Variants in GRID2 observed in about 807,000 individuals in gnomAD.
GRID2 encodes the protein glutamate ionotropic receptor delta type subunit 2.
In GRID2, 33 loss-of-function variants were observed where a neutral mutation model predicts 114.8. The observed-to-expected ratio is 0.29, with a 90% CI of 0.22 to 0.38. The LOEUF is 0.38. Ranked by LOEUF, GRID2 falls within the 10% of genes least tolerant of loss-of-function variation. GRID2 has a pLI of 1.00. For missense variants in GRID2, 1,184 were observed against 1,257.7 expected (o/e 0.94, Z 0.89); for synonymous variants, 505 against 449.9 (o/e 1.12, Z -1.55).
chr4:93,420,193 A>G (rs975607528), intron 9 of GRID2, among the ~76,000 whole-genome samples: 3 of 152,322 alleles, frequency 2.0e-5, no homozygotes, highest in African/African-American at 7.2e-5. Flanking sequence ...AATGAGTTGC[A>G]TGTAAGGAAA....
intron 1 of GRID2, among the ~76,000 whole-genome samples, chr4:92,565,916 T>C (rs1727313523): frequency 6.6e-6 from 1 of 152,046 alleles, no homozygotes; most frequent in African/African-American, 2.4e-5. Context: ...CAGTTTTGTA[T>C]GTTAGAAGTC....
intron 10 of GRID2, among the ~76,000 whole-genome samples, chr4:93,443,643 G>T (rs973042688): frequency 6.6e-6 from 1 of 151,950 alleles, no homozygotes; most frequent in African/African-American, 2.4e-5. Context: ...GAGCAGGGTT[G>T]CAGCACAGCT....
chr4:93,269,023 A>G (rs1268047533), intron 8 of GRID2, among the ~76,000 whole-genome samples: 2 of 152,284 alleles, frequency 1.3e-5, no homozygotes, highest in East Asian at 3.9e-4. Context: ...TCCTGAAACC[A>G]TATGTCTTAC....
chr4:92,634,753 TTTTTTTTTTC>T (rs1449287247), intron 2 of GRID2, among the ~76,000 whole-genome samples: 4 of 150,938 alleles, frequency 2.7e-5, no homozygotes, highest in African/African-American at 9.7e-5. Context: ...TTTTCTTTTT[TTTTTTTTTTC>T]AGACATTGCA....
intron 8 of GRID2, among the ~76,000 whole-genome samples, chr4:93,348,558 A>G (rs1429514754): frequency 2.0e-5 from 3 of 152,168 alleles, no homozygotes; most frequent in African/African-American, 7.2e-5. Context: ...GCTTTAGAAA[A>G]TGGATAAATG....
rs1056705848 is a variant in GRID2 at position 92,550,908 on chromosome 4, A to C, written c.89-39223A>C. On this transcript the variant is annotated intron_variant, in intron 1 of 15. Coordinates refer to ENST00000282020, the MANE Select transcript of GRID2 (RefSeq NM_001510.4). ...GTTAAGCAGTTACATTGCAAAGACTAGTCTCAAATTTTAGAACTTCATTGA... is the reference window on the plus strand; with the variant it reads ...GTTAAGCAGTTACATTGCAAAGACTCGTCTCAAATTTTAGAACTTCATTGA... Among the ~76,000 whole-genome samples, 7 of 152,334 alleles carry C rather than the reference A, an allele frequency of 4.6e-5. No homozygotes were observed. In the East Asian group the frequency reaches 1.3e-3, roughly 29 times the overall value.
At chr4:93,543,710 TAGAGAGAGAG>T (rs34742442) in intron 13 of GRID2, among the ~76,000 whole-genome samples, 22 of 133,590 alleles carry the variant, frequency 1.6e-4, no homozygotes, top group Middle Eastern at 3.8e-3. Context: ...GAGTGAGAGA[TAGAGAGAGAG>T]AGAGAGAGAG....
intron 1 of GRID2, among the ~76,000 whole-genome samples, chr4:92,409,386 C>A (rs1020620259): frequency 1.3e-5 from 2 of 151,990 alleles, no homozygotes; most frequent in African/African-American, 2.4e-5. Context: ...GGCCTAGAGA[C>A]CTGAAGATGA....
chr4:92,345,225 C>T (rs1727704417), intron 1 of GRID2, among the ~76,000 whole-genome samples: 1 of 151,714 alleles, frequency 6.6e-6, no homozygotes. Flanking sequence ...TTTTCCATAC[C>T]CGAGCTACTT....
chr4:93,556,522 A>G (rs532588651), intron 13 of GRID2, among the ~76,000 whole-genome samples: 4 of 152,344 alleles, frequency 2.6e-5, no homozygotes, highest in Admixed American at 1.3e-4. Flanking sequence ...TTGAAGATCA[A>G]CTTAATGAAA....
chr4:93,121,535 A>C (rs747950810), intron 4 of GRID2, among the ~76,000 whole-genome samples: 12 of 152,302 alleles, frequency 7.9e-5, no homozygotes, highest in Non-Finnish European at 1.6e-4. Flanking sequence ...TGTTATATGA[A>C]TAAGACAGAA....
intron 13 of GRID2, among the ~76,000 whole-genome samples, chr4:93,550,550 C>G (rs1234331658): frequency 6.6e-6 from 1 of 152,208 alleles, no homozygotes; most frequent in African/African-American, 2.4e-5. Context: ...TCACACATCA[C>G]TGTTCTTCCT....
intron 1 of GRID2, among the ~76,000 whole-genome samples, chr4:92,374,267 C>A (rs1199847009): frequency 6.6e-6 from 1 of 152,154 alleles, no homozygotes; most frequent in Admixed American, 6.6e-5. Flanking sequence ...CAAAGAAGAA[C>A]TTGGGTCTCC....
chr4:93,160,289 T>C (rs576939621), intron 4 of GRID2, among the ~76,000 whole-genome samples: 2 of 151,814 alleles, frequency 1.3e-5, no homozygotes, highest in South Asian at 4.1e-4. Flanking sequence ...ATAGATAAGG[T>C]AATATCATTG....
At chr4:92,601,191 G>T in intron 2 of GRID2, among the ~76,000 whole-genome samples, 1 of 152,330 alleles carries the variant, frequency 6.6e-6, no homozygotes, top group Non-Finnish European at 1.5e-5. Flanking sequence ...GGACCTGATA[G>T]ATATCAATAG....
chr4:93,644,049 A>G (rs949211307), intron 14 of GRID2, among the ~76,000 whole-genome samples: 2 of 78,204 alleles, frequency 2.6e-5, no homozygotes, highest in Non-Finnish European at 4.9e-5. Context: ...GAAAAGCGCA[A>G]TATTCGGGTG....
chr4:92,939,878 A>G (rs1044754348), intron 2 of GRID2, among the ~76,000 whole-genome samples: 1 of 146,766 alleles, frequency 6.8e-6, no homozygotes, highest in Non-Finnish European at 1.5e-5. Flanking sequence ...ATAGTTGTAG[A>G]TATGCAGCAT....
chr4:92,452,909 G>A (rs1721010661), intron 1 of GRID2, among the ~76,000 whole-genome samples: 1 of 144,618 alleles, frequency 6.9e-6, no homozygotes, highest in South Asian at 2.2e-4. Flanking sequence ...ATATATGTAT[G>A]TTTCTATATA....
At chr4:93,233,596 G>T (rs1377790621) in intron 7 of GRID2, among the ~76,000 whole-genome samples, 1 of 152,014 alleles carries the variant, frequency 6.6e-6, no homozygotes, top group Non-Finnish European at 1.5e-5. Flanking sequence ...ATCTGTCTTG[G>T]CCTTCCAAAG....
Sources: gnomAD v4.1 joint callset for allele counts (sites outside exome capture counted in the v4.1 genomes callset) on GRCh38, gnomAD v4.1.1 for gene constraint, MANE v1.5 for transcripts, NCBI Gene and HGNC (gene_info 2026-07-23, HGNC 2026-07-21) for gene names.